Variants in PRKCG observed in about 807,000 individuals in gnomAD.
The protein encoded by PRKCG is protein kinase C gamma.
A neutral mutation model predicts 82.0 loss-of-function variants in PRKCG; 28 were observed. The observed-to-expected ratio is 0.34, with a 90% CI of 0.25 to 0.47. The LOEUF is 0.47. Ranked by LOEUF, PRKCG falls within the 20% of genes least tolerant of loss-of-function variation. The pLI, the probability that PRKCG is intolerant of heterozygous loss-of-function variation, is 1.00. For missense variants in PRKCG, 640 were observed against 952.7 expected (o/e 0.67, Z 4.32); for synonymous variants, 383 against 376.6 (o/e 1.02, Z -0.20).
At chr19:53,906,124 T>TTCTCTCTC (rs59343768) in intron 16 of PRKCG, among the ~76,000 whole-genome samples, 193 bp from the exon 17 acceptor site, 1 of 70,636 alleles carries the variant, frequency 1.4e-5, no homozygotes, top group Non-Finnish European at 2.4e-5. Flanking sequence ...TCTTCTTTTC[T>TTCTCTCTC]TCTCTCTCTC....
At chr19:53,890,121 A>C (rs990396926) in intron 5 of PRKCG, 104 bp downstream of exon 5, 162 of 1,260,654 alleles carry the variant, frequency 1.3e-4, no homozygotes, top group South Asian at 9.0e-5. Flanking sequence ...AGATGGGGCC[A>C]CGCCTCTTTC....
Position 53,907,228 on chromosome 19 carries a change from T to C in PRKCG, c.*333T>C. On this transcript the variant is annotated 3_prime_UTR_variant, in exon 18 of 18. Coordinates refer to ENST00000263431, the MANE Select transcript of PRKCG (RefSeq NM_002739.5). Reference sequence around the variant, plus strand: ...GTTCGAGACTCCATCTTGGTAGTTCTGTGCCTCCCCCCAGACCCCGCCCCT... The same window carrying C: ...GTTCGAGACTCCATCTTGGTAGTTCCGTGCCTCCCCCCAGACCCCGCCCCT... The C allele has an allele frequency of 2.4e-6, 1 of 417,664 alleles. No homozygotes were observed. 25.9% of individuals were successfully genotyped at this position (417,664 alleles called of 1,614,324 possible).
chr19:53,898,643 G>T lies in PRKCG; in HGVS notation c.1281+15G>T. ...TCCAGACCCCGGTAAGGATGGAGGG[G>T]GCGGAGGCTGTCCTCCGGGCCCTGC... is the stretch of plus-strand genomic sequence containing the variant. On this transcript the variant is annotated intron_variant, in intron 11 of 17. Transcript: ENST00000263431. 6.4e-7 allele frequency: 1 copy of T among 1,559,950 alleles called. No individual in the cohort carries two copies. The highest frequency in any genetic ancestry group is 1.2e-5 in the South Asian group (1 of 85,946).
Position 53,900,329 on chromosome 19 carries a change from G to C in PRKCG, c.1373+5G>C. On this transcript the variant is annotated splice_donor_5th_base_variant and intron_variant, in intron 12 of 17. Coordinates refer to ENST00000263431, the MANE Select transcript of PRKCG (RefSeq NM_002739.5). This position sits in a 1 kb window ranked among gnomAD's most constrained non-coding sequence, Gnocchi z 4.2. ...GTTTAAGGAGCCCCATGCAGCGTGA[G>C]TCTCGGCCAACAGAGAATGGTCGGG... 6.2e-7 allele frequency: 1 copy of C among 1,614,114 alleles called. No homozygotes were observed. The highest frequency in any genetic ancestry group is 1.1e-5 in the South Asian group (1 of 91,076).
rs1208638839 is a variant in PRKCG, at chr19:53,900,826, G to C, written c.1575+77G>C. The C allele has an allele frequency of 1.9e-6, 3 of 1,602,734 alleles. No individual in the cohort carries two copies. The highest frequency in any genetic ancestry group is 2.6e-6 in the Non-Finnish European group (3 of 1,173,354). On this transcript the variant is annotated intron_variant, in intron 14 of 17. Transcript: ENST00000263431. This position sits in a 1 kb window ranked among gnomAD's most constrained non-coding sequence, Gnocchi z 4.2. Reference sequence around the variant, plus strand: ...TAGCTGATGGTCCAGTATTCACCACGGGTGAGGCCTGACCCTCAGACCTTG... The same window carrying C: ...TAGCTGATGGTCCAGTATTCACCACCGGTGAGGCCTGACCCTCAGACCTTG...
In PRKCG at chr19:53,906,109, CTTCTTCTTCTTTTCT is replaced by C. The variant is rs1261029416; in HGVS notation, c.1765-206_1765-192del. Among the ~76,000 whole-genome samples the C allele has an allele frequency of 0.019, 1,699 of 91,424 alleles. 69 individuals are homozygous for C. The highest frequency in any genetic ancestry group is 0.11 in the East Asian group (450 of 3,978). 60.0% of individuals were successfully genotyped at this position (91,424 alleles called of 152,430 possible). A position where few individuals can be genotyped will look rare whatever the true frequency, so the allele number is the denominator to read the frequency against. On this transcript the variant is annotated intron_variant, in intron 16 of 17. Coordinates refer to ENST00000263431, the MANE Select transcript of PRKCG (RefSeq NM_002739.5). ...CCTTCTTCTTCTTCTTCTTCTTCTT[CTTCTTCTTCTTTTCT>C]TCTCTCTCTCTCTCCTTTCTTTTCC...
At position 53,883,514 on chromosome 19, in the gene PRKCG, G is replaced by C. The variant is rs991190048; in HGVS notation, c.202+320G>C. Among the ~76,000 whole-genome samples the C allele has an allele frequency of 6.6e-6, 1 of 151,884 alleles. No homozygotes were observed. Among genetic ancestry groups the C allele is most frequent in the Non-Finnish European group, 1.5e-5 (1 of 67,964 alleles). ...AGGGGGAGGGGGCTGGAGATGCAAAGTCAGAGCCCCCCCCCACCCCAGGCT... is the reference window on the plus strand; with the variant it reads ...AGGGGGAGGGGGCTGGAGATGCAAACTCAGAGCCCCCCCCCACCCCAGGCT... On this transcript the variant is annotated intron_variant, in intron 2 of 17. Transcript: ENST00000263431. This position sits in a 1 kb window ranked among gnomAD's most constrained non-coding sequence, Gnocchi z 5.4.
chr19:53,903,216 A>G (rs952125022), intron 15 of PRKCG, 63 bp downstream of exon 15: 5 of 1,308,650 alleles, frequency 3.8e-6, no homozygotes, highest in Middle Eastern at 1.8e-4. Flanking sequence ...CCTGGATCTC[A>G]GGAGGAGCCA....
In PRKCG at chr19:53,882,204, A is replaced by T. The variant is rs1276051930; in HGVS notation, c.-291A>T. ...CCCCAACCCGGGGCTCCCACATTTC[A>T]GCAGGTGCCGGAGCTGGAGCTCCCA... On this transcript the variant is annotated 5_prime_UTR_variant, in exon 1 of 18. Transcript: ENST00000263431. The surrounding 1 kb of genome is among the most constrained non-coding windows in gnomAD (Gnocchi z 6.1). 1 of 453,128 alleles carries T rather than the reference A, an allele frequency of 2.2e-6. No homozygotes were observed. The highest frequency in any genetic ancestry group is 6.0e-5 in the East Asian group (1 of 16,716). 28.1% of individuals were successfully genotyped at this position (453,128 alleles called of 1,614,324 possible). A position where few individuals can be genotyped will look rare whatever the true frequency, so the allele number is the denominator to read the frequency against.
At position 53,889,386 on chromosome 19, in the gene PRKCG, A is replaced by G. The variant is rs754201635; in HGVS notation, c.286-252A>G. Among the ~76,000 whole-genome samples, 8 of 151,686 alleles carry G rather than the reference A, an allele frequency of 5.3e-5. No homozygotes were observed. Among genetic ancestry groups the G allele is most frequent in the Non-Finnish European group, 1.2e-4 (8 of 67,988 alleles). ...TTTATTTACCATGTTTACATTCTGT[A>G]TCCCTCCATTAGGAAGTAAACTCCA... On this transcript the variant is annotated intron_variant, in intron 3 of 17. Transcript: ENST00000263431. This position sits in a 1 kb window ranked among gnomAD's most constrained non-coding sequence, Gnocchi z 4.4.
At chr19:53,896,462 C>T (rs2068719138) in intron 9 of PRKCG, among the ~76,000 whole-genome samples, 1 of 151,678 alleles carries the variant, frequency 6.6e-6, no homozygotes, top group East Asian at 1.9e-4. Context: ...CTCTGTCGCC[C>T]AGGCTGGAAT....
At chr19:53,886,207 C>T (rs892301937) in intron 3 of PRKCG, among the ~76,000 whole-genome samples, 7 of 151,630 alleles carry the variant, frequency 4.6e-5, no homozygotes, top group East Asian at 2.0e-4. Context: ...CAGGTTCAAG[C>T]GATTCTCATG....
In PRKCG at chr19:53,882,996, G is replaced by A. The variant is rs1330042565; in HGVS notation, c.171-167G>A. ...GCTGAACTCCAGTCTAAGGGAAGAA[G>A]GGCTGGGGGCCAAAATTTCTGGGTT... On this transcript the variant is annotated intron_variant, in intron 1 of 17. Coordinates refer to ENST00000263431, the MANE Select transcript of PRKCG (RefSeq NM_002739.5). This position sits in a 1 kb window ranked among gnomAD's most constrained non-coding sequence, Gnocchi z 6.1. Among the ~76,000 whole-genome samples, 1 of 152,084 alleles carries A rather than the reference G, an allele frequency of 6.6e-6. No individual in the cohort carries two copies. The highest frequency in any genetic ancestry group is 6.5e-5 in the Admixed American group (1 of 15,272).
At chr19:53,899,487 C>A (rs1367709708) in intron 11 of PRKCG, among the ~76,000 whole-genome samples, 1 of 152,166 alleles carries the variant, frequency 6.6e-6, no homozygotes, top group Non-Finnish European at 1.5e-5. Context: ...GGCAGAGAGT[C>A]AGAACCTGCA....
intron 9 of PRKCG, among the ~76,000 whole-genome samples, chr19:53,897,297 A>G (rs2068724692): frequency 6.6e-6 from 1 of 152,162 alleles, no homozygotes; most frequent in Non-Finnish European, 1.5e-5. Flanking sequence ...CCGTCCATGT[A>G]GAGGGACAAG....
chr19:53,900,840 C>G lies in PRKCG; in HGVS notation c.1575+91C>G. 6.3e-7 allele frequency: 1 copy of G among 1,588,802 alleles called. No individual in the cohort carries two copies. The highest frequency in any genetic ancestry group is 8.6e-7 in the Non-Finnish European group (1 of 1,163,648). ...GTATTCACCACGGGTGAGGCCTGACCCTCAGACCTTGTCATGAGTTGTGGC... is the reference window on the plus strand; with the variant it reads ...GTATTCACCACGGGTGAGGCCTGACGCTCAGACCTTGTCATGAGTTGTGGC... On this transcript the variant is annotated intron_variant, in intron 14 of 17. Transcript: ENST00000263431. This position sits in a 1 kb window ranked among gnomAD's most constrained non-coding sequence, Gnocchi z 4.2.
chr19:53,885,233 T>A (rs1228732908), intron 3 of PRKCG, among the ~76,000 whole-genome samples: 8 of 152,178 alleles, frequency 5.3e-5, no homozygotes, highest in Non-Finnish European at 1.2e-4. Context: ...TTTTTTTTTT[T>A]ATTTTTATTT....
intron 14 of PRKCG, among the ~76,000 whole-genome samples, chr19:53,901,868 A>T (rs2068767039): frequency 6.7e-6 from 1 of 149,020 alleles, no homozygotes; most frequent in Non-Finnish European, 1.5e-5. Flanking sequence ...AAAAAAAAAG[A>T]AAAAGAAAAA....
Position 53,891,756 on chromosome 19 carries a change from T to C in PRKCG, c.612T>C (p.Pro204=). ...PYVKLKLIPD[P]RNLTKQKTRT... ...TGAAACTGAAGCTCATCCCAGACCCTCGGAACCTGACGAAACAGAAGACCC... is the reference window on the plus strand; with the variant it reads ...TGAAACTGAAGCTCATCCCAGACCCCCGGAACCTGACGAAACAGAAGACCC... The change falls in exon 6 of 18, where the codon CCT becomes CCC. Residue 204 remains proline (P), a synonymous_variant. Coordinates refer to ENST00000263431, the MANE Select transcript of PRKCG (RefSeq NM_002739.5). The C allele has an allele frequency of 6.2e-7, 1 of 1,614,026 alleles. No individual in the cohort carries two copies. Among genetic ancestry groups the C allele is most frequent in the Non-Finnish European group, 8.5e-7 (1 of 1,180,000 alleles).
Sources: allele counts gnomAD v4.1 joint callset (sites outside exome capture counted in the v4.1 genomes callset), GRCh38; gene constraint gnomAD v4.1.1; non-coding constraint Gnocchi (gnomAD v3.1); transcripts MANE v1.5; gene names NCBI Gene and HGNC (gene_info 2026-07-23, HGNC 2026-07-21).